Variants in SLC71A1 observed in about 807,000 individuals in gnomAD.
SLC71A1 encodes the protein hippocampus abundant gene transcript 1.
chr1:100,074,799 C>G, the SLC71A1 span, among the ~76,000 whole-genome samples: 6 of 152,118 alleles, frequency 3.9e-5, no homozygotes, highest in Non-Finnish European at 8.8e-5. Context: ...CGCTTGAACC[C>G]CGGAGGCAGA....
chr1:100,041,073 G>A, the SLC71A1 span, among the ~76,000 whole-genome samples: 1 of 152,156 alleles, frequency 6.6e-6, no homozygotes, highest in Non-Finnish European at 1.5e-5. Flanking sequence ...ATATATGTAA[G>A]CCTATTTGGC....
the SLC71A1 span, among the ~76,000 whole-genome samples, chr1:100,072,303 A>G: frequency 6.6e-6 from 1 of 152,078 alleles, no homozygotes. Context: ...TTTCTTACCC[A>G]CGTGCTTTTG....
chr1:100,072,593 A>C, the SLC71A1 span, among the ~76,000 whole-genome samples: 1 of 152,038 alleles, frequency 6.6e-6, no homozygotes, highest in Non-Finnish European at 1.5e-5. Flanking sequence ...AAAAAAAAAA[A>C]ACTTAAAAAA....
the SLC71A1 span, among the ~76,000 whole-genome samples, chr1:100,075,098 G>A: frequency 6.6e-6 from 1 of 152,176 alleles, no homozygotes; most frequent in Non-Finnish European, 1.5e-5. Flanking sequence ...CATTTTATAA[G>A]TACTTTCTGG....
chr1:100,048,057 C>T, the SLC71A1 span, among the ~76,000 whole-genome samples: 1 of 151,940 alleles, frequency 6.6e-6, no homozygotes, highest in South Asian at 2.1e-4. Flanking sequence ...TTATATCCTA[C>T]TTTGATTTTT....
the SLC71A1 span, chr1:100,080,408 ATTAAG>A: frequency 9.6e-7 from 1 of 1,037,978 alleles, no homozygotes. Flanking sequence ...TTGATTTTAG[ATTAAG>A]TGATTTCATA....
the SLC71A1 span, among the ~76,000 whole-genome samples, chr1:100,051,604 A>C: frequency 2.6e-5 from 4 of 152,134 alleles, no homozygotes; most frequent in Non-Finnish European, 5.9e-5. Context: ...AACTTCATTG[A>C]ATTGTAATAA....
chr1:100,069,829 G>T, the SLC71A1 span: 10 of 644,182 alleles, frequency 1.6e-5, no homozygotes, highest in Middle Eastern at 2.5e-4. Flanking sequence ...ATTTGTTTGT[G>T]TAGCTAGTGT....
the SLC71A1 span, chr1:100,038,118 TG>T: frequency 2.2e-6 from 2 of 898,692 alleles, no homozygotes; most frequent in South Asian, 1.5e-5. Context: ...GCCCTCAAGA[TG>T]GCGGCGGGCG....
chr1:100,048,878 A>G, the SLC71A1 span, among the ~76,000 whole-genome samples: 1 of 152,198 alleles, frequency 6.6e-6, no homozygotes, highest in Non-Finnish European at 1.5e-5. Context: ...AGTAAATCTG[A>G]GCCTCGTGGG....
chr1:100,065,991 AAGT>A, the SLC71A1 span, among the ~76,000 whole-genome samples: 1 of 152,002 alleles, frequency 6.6e-6, no homozygotes, highest in Non-Finnish European at 1.5e-5. Context: ...TATTTTTATG[AAGT>A]GTTTCCTGCT....
the SLC71A1 span, among the ~76,000 whole-genome samples, chr1:100,066,454 T>G: frequency 2.0e-5 from 3 of 152,372 alleles, no homozygotes; most frequent in South Asian, 6.2e-4. Flanking sequence ...GTCCACAGGC[T>G]GCACACATGG....
the SLC71A1 span, among the ~76,000 whole-genome samples, chr1:100,040,838 G>A: frequency 1.3e-5 from 2 of 152,144 alleles, no homozygotes; most frequent in African/African-American, 4.8e-5. Flanking sequence ...TCGTATCATA[G>A]AATATTTCAG....
the SLC71A1 span, chr1:100,078,595 T>A: frequency 2.3e-6 from 3 of 1,296,102 alleles, no homozygotes; most frequent in Non-Finnish European, 3.4e-6. Context: ...TACAGAATGT[T>A]CTAATCCTGT....
the SLC71A1 span, chr1:100,082,635 T>TAATA: frequency 6.4e-6 from 1 of 155,414 alleles, no homozygotes; most frequent in Non-Finnish European, 1.4e-5. Context: ...AGTCAGATTT[T>TAATA]AATATTGTAA....
chr1:100,048,859 A>G, the SLC71A1 span, among the ~76,000 whole-genome samples: 1 of 152,244 alleles, frequency 6.6e-6, no homozygotes, highest in African/African-American at 2.4e-5. Context: ...TTTTGTAGAT[A>G]GGACCTGAAG....
At chr1:100,047,610 C>T in the SLC71A1 span, among the ~76,000 whole-genome samples, 8 of 152,164 alleles carry the variant, frequency 5.3e-5, no homozygotes, top group South Asian at 4.1e-4. Flanking sequence ...TTAGTGGAGA[C>T]GGGGTTTCTT....
chr1:100,044,300 G>A, the SLC71A1 span, among the ~76,000 whole-genome samples: 1 of 152,098 alleles, frequency 6.6e-6, no homozygotes, highest in Admixed American at 6.5e-5. Context: ...CTGATAATTG[G>A]TGATGTTGAG....
At chr1:100,073,221 G>T in the SLC71A1 span, among the ~76,000 whole-genome samples, 1 of 152,200 alleles carries the variant, frequency 6.6e-6, no homozygotes, top group Admixed American at 6.5e-5. Context: ...AACCCAATCT[G>T]AGCCGTGGCC....
Sources: gnomAD v4.1 joint callset for allele counts (sites outside exome capture counted in the v4.1 genomes callset) on GRCh38, gnomAD v4.1.1 for gene constraint, MANE v1.5 for transcripts, NCBI Gene and HGNC (gene_info 2026-07-23, HGNC 2026-07-21) for gene names.